The following PPARGC1A variants were observed in gnomAD, a reference collection of about 807,000 sequenced individuals.
The protein encoded by PPARGC1A is PPARG coactivator 1 alpha.
PPARGC1A carries 25 observed loss-of-function variants against 88.7 expected under a neutral mutation model. The observed-to-expected ratio is 0.28, with a 90% CI of 0.21 to 0.39. PPARGC1A has a LOEUF of 0.39. Ranked by LOEUF, PPARGC1A falls within the 10% of genes least tolerant of loss-of-function variation. PPARGC1A has a pLI of 1.00. For missense variants in PPARGC1A, 880 were observed against 968.7 expected (o/e 0.91, Z 1.22); for synonymous variants, 363 against 355.6 (o/e 1.02, Z -0.24).
the PPARGC1A span, among the ~76,000 whole-genome samples, chr4:24,093,510 G>C: frequency 6.6e-6 from 1 of 152,104 alleles, no homozygotes; most frequent in Non-Finnish European, 1.5e-5. Context: ...AGAATATACA[G>C]ATGCTTCTCA....
At chr4:24,320,834 T>G in the PPARGC1A span, among the ~76,000 whole-genome samples, 13 of 152,346 alleles carry the variant, frequency 8.5e-5, no homozygotes, top group African/African-American at 3.1e-4. Flanking sequence ...GAATACCTTT[T>G]TATTATTTTG....
Position 23,824,525 on chromosome 4 carries a change from G to T in PPARGC1A, c.758-17C>A. On this transcript the variant is annotated splice_polypyrimidine_tract_variant and intron_variant, in intron 5 of 12. Coordinates refer to ENST00000264867, the MANE Select transcript of PPARGC1A (RefSeq NM_013261.5). ...TTGGTTTGGCTAAAGAAAAAAAAAAGAAACTAATTATGTAATATTGAGTGT... is the reference window on the plus strand; with the variant it reads ...TTGGTTTGGCTAAAGAAAAAAAAAATAAACTAATTATGTAATATTGAGTGT... 6.4e-7 allele frequency: 1 copy of T among 1,556,046 alleles called. No homozygotes were observed. Among genetic ancestry groups the T allele is most frequent in the South Asian group, 1.2e-5 (1 of 86,706 alleles).
the PPARGC1A span, among the ~76,000 whole-genome samples, chr4:24,234,039 C>G: frequency 6.6e-6 from 1 of 152,192 alleles, no homozygotes; most frequent in African/African-American, 2.4e-5. Context: ...TACAATAACG[C>G]CAGGGAGGAG....
At chr4:23,844,583 TATA>T (rs1316407796) in intron 2 of PPARGC1A, among the ~76,000 whole-genome samples, 10 of 111,874 alleles carry the variant, frequency 8.9e-5, no homozygotes, top group South Asian at 7.2e-4. Context: ...ATTGTTAATA[TATA>T]ATAATTATAA....
At chr4:24,129,343 T>C in the PPARGC1A span, among the ~76,000 whole-genome samples, 1 of 152,164 alleles carries the variant, frequency 6.6e-6, no homozygotes, top group Admixed American at 6.6e-5. Context: ...GATCTACAGA[T>C]GGTACCAAAT....
chr4:24,003,749 T>G, the PPARGC1A span, among the ~76,000 whole-genome samples: 1 of 151,674 alleles, frequency 6.6e-6, no homozygotes, highest in African/African-American at 2.4e-5. Flanking sequence ...GAAAAGGAAT[T>G]TGGAATTTGT....
At chr4:23,970,507 T>G in the PPARGC1A span, among the ~76,000 whole-genome samples, 2 of 152,288 alleles carry the variant, frequency 1.3e-5, no homozygotes, top group African/African-American at 2.4e-5. Flanking sequence ...GCTGCTTACA[T>G]ATGATACAGG....
intron 2 of PPARGC1A, among the ~76,000 whole-genome samples, chr4:23,871,907 G>T (rs1577596321): frequency 6.6e-6 from 1 of 152,138 alleles, no homozygotes; most frequent in South Asian, 2.1e-4. Context: ...ACCTAATTGA[G>T]TAAGGCTTGG....
chr4:24,258,351 C>A, the PPARGC1A span: 1 of 226,252 alleles, frequency 4.4e-6, no homozygotes. Context: ...ATTATTCGTC[C>A]ATTATGGTGA....
chr4:23,981,842 C>G, the PPARGC1A span, among the ~76,000 whole-genome samples: 1 of 151,840 alleles, frequency 6.6e-6, no homozygotes, highest in Non-Finnish European at 1.5e-5. Flanking sequence ...TTTGAGGTCA[C>G]AAGGAATAGG....
the PPARGC1A span, among the ~76,000 whole-genome samples, chr4:24,172,714 C>T: frequency 6.6e-6 from 1 of 152,236 alleles, no homozygotes. Context: ...TCTCTTTTCT[C>T]TCAGGCAGAC....
At chr4:24,054,323 A>AAC in the PPARGC1A span, among the ~76,000 whole-genome samples, 6 of 150,730 alleles carry the variant, frequency 4.0e-5, no homozygotes, top group South Asian at 1.2e-3. Flanking sequence ...AAAAAAAAAA[A>AAC]AAACACTATA....
At chr4:24,068,236 A>T in the PPARGC1A span, among the ~76,000 whole-genome samples, 1 of 152,140 alleles carries the variant, frequency 6.6e-6, no homozygotes. Flanking sequence ...TCCTAGTTAC[A>T]CTTAACTCAG....
At chr4:24,341,673 G>A in the PPARGC1A span, among the ~76,000 whole-genome samples, 1 of 152,166 alleles carries the variant, frequency 6.6e-6, no homozygotes, top group South Asian at 2.1e-4. Flanking sequence ...GGAAGTTACT[G>A]TGAAGAAGAC....
the PPARGC1A span, among the ~76,000 whole-genome samples, chr4:24,204,286 A>G: frequency 6.6e-6 from 1 of 152,212 alleles, no homozygotes; most frequent in Non-Finnish European, 1.5e-5. Flanking sequence ...CACATGGAGT[A>G]TTAGAATCTG....
the PPARGC1A span, among the ~76,000 whole-genome samples, chr4:24,139,891 G>T: frequency 3.9e-5 from 6 of 152,160 alleles, no homozygotes; most frequent in Non-Finnish European, 5.9e-5. Flanking sequence ...TTATCCACGG[G>T]ATTAAACCTA....
At chr4:24,124,474 C>T in the PPARGC1A span, among the ~76,000 whole-genome samples, 5 of 152,140 alleles carry the variant, frequency 3.3e-5, no homozygotes, top group African/African-American at 1.2e-4. Flanking sequence ...CCTATTGGTG[C>T]CAACACACAC....
chr4:24,139,466 C>A, the PPARGC1A span, among the ~76,000 whole-genome samples: 1 of 152,076 alleles, frequency 6.6e-6, no homozygotes, highest in Admixed American at 6.6e-5. Flanking sequence ...GACTTAAAAT[C>A]ACTGTAAATG....
chr4:24,234,864 C>G, the PPARGC1A span, among the ~76,000 whole-genome samples: 1 of 152,162 alleles, frequency 6.6e-6, no homozygotes, highest in Admixed American at 6.5e-5. Context: ...CTTTTCTGTT[C>G]TGTTCTTTCT....
Sources: allele counts gnomAD v4.1 joint callset (sites outside exome capture counted in the v4.1 genomes callset), GRCh38; gene constraint gnomAD v4.1.1; transcripts MANE v1.5; gene names NCBI Gene and HGNC (gene_info 2026-07-23, HGNC 2026-07-21).